The following EDN3 variants were observed in gnomAD, a reference collection of about 807,000 sequenced individuals.
The protein encoded by EDN3 is endothelin-3.
Under a neutral mutation model 21.4 loss-of-function variants are expected in EDN3, and 9 were observed. The observed-to-expected ratio is 0.42, with a 90% CI of 0.25 to 0.73. The LOEUF is 0.73. Ranked by LOEUF, EDN3 falls within the 30% of genes least tolerant of loss-of-function variation. The pLI is 0.26. For missense variants in EDN3, 327 were observed against 309.4 expected (o/e 1.06, Z -0.43); for synonymous variants, 133 against 126.2 (o/e 1.05, Z -0.36).
intron 2 of EDN3, among the ~76,000 whole-genome samples, chr20:59,309,174 G>A (rs559706666): frequency 6.0e-4 from 91 of 152,288 alleles, no homozygotes; most frequent in African/African-American, 2.0e-3. Flanking sequence ...GCGGGCACCC[G>A]TCTGGGGCTG....
At chr20:59,313,395 G>A (rs923720900) in intron 2 of EDN3, among the ~76,000 whole-genome samples, 4 of 152,138 alleles carry the variant, frequency 2.6e-5, no homozygotes, top group African/African-American at 9.7e-5. Flanking sequence ...ATGAAACGAA[G>A]GAACTGGCCC....
intron 2 of EDN3, among the ~76,000 whole-genome samples, chr20:59,302,837 A>G (rs1399529170): frequency 6.6e-6 from 1 of 152,128 alleles, no homozygotes; most frequent in Admixed American, 6.5e-5. Flanking sequence ...TTTATCCCCA[A>G]GCCCCATAAC....
At position 59,305,354 on chromosome 20, in the gene EDN3, G is replaced by A. The variant is rs1228403986; in HGVS notation, c.365+3632G>A. On this transcript the variant is annotated intron_variant, in intron 2 of 4. Coordinates refer to ENST00000337938, the MANE Select transcript of EDN3 (RefSeq NM_207034.3). The surrounding 1 kb of genome is among the most constrained non-coding windows in gnomAD (Gnocchi z 4.2). ...TAGTAAGGGGACAGGTGGTGAACAA[G>A]GGGTCCGTGTGCTGATGTCCTTGTA... Among the ~76,000 whole-genome samples the A allele has an allele frequency of 6.6e-6, 1 of 152,212 alleles. No individual in the cohort carries two copies. Among genetic ancestry groups the A allele is most frequent in the Non-Finnish European group, 1.5e-5 (1 of 68,036 alleles).
intron 2 of EDN3, among the ~76,000 whole-genome samples, chr20:59,303,603 C>T (rs1989196104): frequency 6.6e-6 from 1 of 152,128 alleles, no homozygotes; most frequent in African/African-American, 2.4e-5. Flanking sequence ...TCATTCGTTG[C>T]CTGTTTACCA....
intron 4 of EDN3, among the ~76,000 whole-genome samples, chr20:59,323,176 C>T (rs1990651647): frequency 6.6e-6 from 1 of 152,072 alleles, no homozygotes; most frequent in Non-Finnish European, 1.5e-5. Flanking sequence ...GGTGGCAGAT[C>T]GCTTCTAGTC....
Position 59,324,351 on chromosome 20 carries a change from A to G in EDN3, c.609A>G (p.Gln203=). ...EEGKVEVKDQ[Q]SKQALDLHHP... ...GACAGGTTGAAGTCAAGGACCAACA[A>G]AGCAAGCAGGCTTTAGACCTCCACC... Residue 203 remains glutamine, a synonymous_variant, in exon 5 of 5, where the codon CAA becomes CAG. Transcript: ENST00000337938. 6.2e-7 allele frequency: 1 copy of G among 1,614,188 alleles called. No homozygotes were observed. Among genetic ancestry groups the G allele is most frequent in the Non-Finnish European group, 8.5e-7 (1 of 1,180,028 alleles).
Position 59,300,713 on chromosome 20 carries a change from C to T in EDN3, c.-100C>T, listed in dbSNP as rs892987632. 23 of 1,318,776 alleles carry T rather than the reference C, an allele frequency of 1.7e-5. No homozygotes were observed. Among genetic ancestry groups the T allele is most frequent in the Non-Finnish European group, 2.3e-5 (22 of 947,852 alleles). The allele number at this position is 1,318,776 out of a possible 1,614,324, so 81.7% of individuals were successfully genotyped here. A position where few individuals can be genotyped will look rare whatever the true frequency, so the allele number is the denominator to read the frequency against. On this transcript the variant is annotated 5_prime_UTR_variant, in exon 1 of 5. Transcript: ENST00000337938. ...GCGATCGGCCGGCCTCGAACCCCCA[C>T]AGCTGGAGGGCGAGGCCAGCTGTAC...
At chr20:59,321,239 C>T (rs753537257) in intron 3 of EDN3, 46 bp downstream of exon 3, 5 of 1,606,498 alleles carry the variant, frequency 3.1e-6, no homozygotes, top group Admixed American at 1.7e-5. Flanking sequence ...TATGCATCAA[C>T]CCTCGGCAAG....
chr20:59,304,430 G>A (rs1222265202), intron 2 of EDN3, among the ~76,000 whole-genome samples: 5 of 152,196 alleles, frequency 3.3e-5, no homozygotes, highest in Non-Finnish European at 7.3e-5. Flanking sequence ...TCCACCAGGT[G>A]TGATTTCTCC....
chr20:59,321,579 CATG>C (rs1248028691), intron 3 of EDN3, among the ~76,000 whole-genome samples: 30 of 152,032 alleles, frequency 2.0e-4, no homozygotes, highest in Non-Finnish European at 3.4e-4. Flanking sequence ...GAAAATAGCC[CATG>C]ATAAGAGTGC....
In EDN3 at chr20:59,324,750, A is replaced by G. The variant is rs1990748294; in HGVS notation, c.*291A>G. ...GAGAGTTTTGGCAAGTTGGAAAGCC[A>G]CTTACTGGCTTTTGACATGACTTCT... is the stretch of plus-strand genomic sequence containing the variant. On this transcript the variant is annotated 3_prime_UTR_variant, in exon 5 of 5. Coordinates refer to ENST00000337938, the MANE Select transcript of EDN3 (RefSeq NM_207034.3). The G allele has an allele frequency of 2.1e-6, 1 of 476,452 alleles. No individual in the cohort carries two copies. The highest frequency in any genetic ancestry group is 3.8e-6 in the Non-Finnish European group (1 of 259,942). The allele number at this position is 476,452 out of a possible 1,614,324, so 29.5% of individuals were successfully genotyped here.
chr20:59,315,897 G>A (rs552132514), intron 2 of EDN3, among the ~76,000 whole-genome samples: 6 of 152,162 alleles, frequency 3.9e-5, no homozygotes, highest in Non-Finnish European at 7.4e-5. Flanking sequence ...TGAAATTTCC[G>A]GATTTAACAA....
intron 2 of EDN3, among the ~76,000 whole-genome samples, chr20:59,309,594 T>C (rs558371140): frequency 6.6e-6 from 1 of 152,326 alleles, no homozygotes; most frequent in South Asian, 2.1e-4. Context: ...TGACTGATCA[T>C]GGTTTCAGGA....
chr20:59,307,203 T>C (rs544556419), intron 2 of EDN3, among the ~76,000 whole-genome samples: 104 of 152,278 alleles, frequency 6.8e-4, no homozygotes, highest in African/African-American at 2.3e-3. Flanking sequence ...TTGTTGGACA[T>C]GTGGCCATAT....
chr20:59,318,290 G>C (rs1990310398), intron 2 of EDN3, among the ~76,000 whole-genome samples: 2 of 152,234 alleles, frequency 1.3e-5, no homozygotes, highest in Admixed American at 1.3e-4. Flanking sequence ...CAGGATAGCA[G>C]AGAAGGTACT....
chr20:59,308,277 T>A (rs1190717862), intron 2 of EDN3, among the ~76,000 whole-genome samples: 1 of 152,196 alleles, frequency 6.6e-6, no homozygotes, highest in Non-Finnish European at 1.5e-5. Context: ...ATTTTTCTTT[T>A]CTTGGCTGCT....
Position 59,321,418 on chromosome 20 carries a change from A to G in EDN3, c.542+225A>G, listed in dbSNP as rs1020479839. ...TCCCCACCCCCTTGCTGCCTTTTGG[A>G]ACAGAAGCTTCACAGTGGCCGTGGC... On this transcript the variant is annotated intron_variant, in intron 3 of 4. Coordinates refer to ENST00000337938, the MANE Select transcript of EDN3 (RefSeq NM_207034.3). 2.0e-5 allele frequency among the ~76,000 whole-genome samples: 3 copies of G among 152,172 alleles called. No individual in the cohort carries two copies. The East Asian group carries it at 5.8e-4, about 29-fold the overall frequency.
At chr20:59,321,322 G>A (rs1289294815) in intron 3 of EDN3, 129 bp downstream of exon 3, 4 of 1,132,526 alleles carry the variant, frequency 3.5e-6, no homozygotes, top group Non-Finnish European at 5.3e-6. Flanking sequence ...CGTCCTGTGG[G>A]CCAGAGAAAG....
chr20:59,302,704 C>G (rs1303354528), intron 2 of EDN3, among the ~76,000 whole-genome samples: 1 of 152,076 alleles, frequency 6.6e-6, no homozygotes, highest in African/African-American at 2.4e-5. Context: ...TTGCTTGTAC[C>G]CTATTAGGGA....
Sources: gnomAD v4.1 joint callset for allele counts (sites outside exome capture counted in the v4.1 genomes callset) on GRCh38, gnomAD v4.1.1 for gene constraint, Gnocchi (gnomAD v3.1) non-coding constraint, MANE v1.5 for transcripts, NCBI Gene and HGNC (gene_info 2026-07-23, HGNC 2026-07-21) for gene names.